The following TMCC1 variants were observed in gnomAD, a reference collection of about 807,000 sequenced individuals.
The protein encoded by TMCC1 is transmembrane and coiled-coil domains protein 1.
Under a neutral mutation model 52.4 loss-of-function variants are expected in TMCC1, and 15 were observed. The observed-to-expected ratio is 0.29, with a 90% confidence interval of 0.19 to 0.44. The LOEUF (loss-of-function observed/expected upper bound fraction) is 0.44. Among genes scored for constraint, TMCC1 ranks in the 20% least tolerant of loss-of-function variants. The pLI is 1.00. For missense variants in TMCC1, 503 were observed against 806.0 expected (o/e 0.62, Z 4.55); for synonymous variants, 279 against 301.9 (o/e 0.92, Z 0.79).
At chr3:129,680,544 G>A (rs1337225215) in intron 4 of TMCC1, among the ~76,000 whole-genome samples, 1 of 152,170 alleles carries the variant, frequency 6.6e-6, no homozygotes, top group Non-Finnish European at 1.5e-5. Context: ...TGCGTCGCTT[G>A]TCATAAGTCA....
intron 4 of TMCC1, among the ~76,000 whole-genome samples, chr3:129,811,309 G>C (rs2057794952): frequency 6.6e-6 from 1 of 152,016 alleles, no homozygotes; most frequent in Admixed American, 6.6e-5. Context: ...CTGTTGCCCA[G>C]ACTGGACTGC....
At chr3:129,719,283 G>A (rs2049371296) in intron 4 of TMCC1, among the ~76,000 whole-genome samples, 1 of 152,234 alleles carries the variant, frequency 6.6e-6, no homozygotes, top group Non-Finnish European at 1.5e-5. Context: ...GGGTTAGGGA[G>A]CTTCTGGATA....
chr3:129,676,212 T>TG (rs2088435087), intron 4 of TMCC1, among the ~76,000 whole-genome samples: 1 of 152,128 alleles, frequency 6.6e-6, no homozygotes, highest in Non-Finnish European at 1.5e-5. Context: ...TGTACTCTCC[T>TG]GTCAGAGTCC....
At chr3:129,743,014 T>C (rs2051596832) in intron 4 of TMCC1, among the ~76,000 whole-genome samples, 1 of 152,124 alleles carries the variant, frequency 6.6e-6, no homozygotes, top group African/African-American at 2.4e-5. Flanking sequence ...AGATTAGTAA[T>C]TGCCTAGTGC....
chr3:129,678,129 A>G (rs569440374), intron 4 of TMCC1, among the ~76,000 whole-genome samples: 32 of 152,188 alleles, frequency 2.1e-4, no homozygotes, highest in African/African-American at 7.5e-4. Flanking sequence ...CATGTTGGCC[A>G]GGCTGGTCTC....
intron 4 of TMCC1, among the ~76,000 whole-genome samples, chr3:129,699,767 A>G (rs1380331842): frequency 6.6e-6 from 1 of 152,046 alleles, no homozygotes; most frequent in African/African-American, 2.4e-5. Context: ...ATCAAAACTA[A>G]CAACAGCAAA....
At chr3:129,721,114 C>G (rs1175284407) in intron 4 of TMCC1, among the ~76,000 whole-genome samples, 1 of 152,118 alleles carries the variant, frequency 6.6e-6, no homozygotes, top group East Asian at 1.9e-4. Flanking sequence ...CTAATCATAC[C>G]AACTAACCTC....
chr3:129,670,711 C>T lies in TMCC1; in HGVS notation c.1130G>A (p.Arg377Gln), dbSNP rs12171319. 2.5e-6 allele frequency: 4 copies of T among 1,614,152 alleles called. No individual in the cohort carries two copies. Among genetic ancestry groups the T allele is most frequent in the Admixed American group, 1.7e-5 (1 of 60,004 alleles). Residue 377 changes from arginine (R) to glutamine (Q), a missense_variant, in exon 5 of 7, where the codon CGG (arginine) becomes CAG (glutamine). This residue lies in a region of TMCC1 where 73 missense variants were observed against 182.9 expected (regional missense o/e 0.40). Transcript: ENST00000393238. ...GTTGTCTGCACTGCCAAATTTGTTC[C>T]GAATGAGTGAGGCAATCTCTCTGGG... is the stretch of plus-strand genomic sequence containing the variant. ...SKPREIASLI[R>Q]NKFGSADNIP...
At chr3:129,729,509 T>C (rs1388974435) in intron 4 of TMCC1, among the ~76,000 whole-genome samples, 1 of 152,190 alleles carries the variant, frequency 6.6e-6, no homozygotes, top group Non-Finnish European at 1.5e-5. Context: ...TCCTTGACTT[T>C]TGTCTCAATA....
At chr3:129,679,549 C>A (rs1294123070) in intron 4 of TMCC1, among the ~76,000 whole-genome samples, 1 of 152,134 alleles carries the variant, frequency 6.6e-6, no homozygotes, top group South Asian at 2.1e-4. Context: ...CGTGATCCGC[C>A]CACCTTGGCC....
intron 4 of TMCC1, among the ~76,000 whole-genome samples, chr3:129,747,431 C>A (rs930310937): frequency 2.0e-5 from 3 of 152,052 alleles, no homozygotes; most frequent in African/African-American, 7.3e-5. Context: ...TCATTTTAAG[C>A]TATATTGTTT....
intron 2 of TMCC1, among the ~76,000 whole-genome samples, chr3:129,866,368 A>ATATATG (rs1363374571): frequency 4.6e-4 from 56 of 122,506 alleles, no homozygotes; most frequent in African/African-American, 1.8e-3. Flanking sequence ...TATATTTTAT[A>ATATATG]TATATATATG....
intron 2 of TMCC1, among the ~76,000 whole-genome samples, chr3:129,854,277 A>C (rs1039510687): frequency 2.0e-5 from 3 of 151,952 alleles, no homozygotes; most frequent in Non-Finnish European, 4.4e-5. Context: ...CTGTAATCCC[A>C]GCTACTTAGG....
chr3:129,839,762 G>A (rs1035376319), intron 2 of TMCC1, among the ~76,000 whole-genome samples: 3 of 152,026 alleles, frequency 2.0e-5, no homozygotes, highest in African/African-American at 7.2e-5. Context: ...GTGTGCACCT[G>A]TAGTACCAGC....
intron 4 of TMCC1, among the ~76,000 whole-genome samples, chr3:129,737,677 G>T (rs902691146): frequency 1.3e-5 from 2 of 151,998 alleles, no homozygotes; most frequent in Admixed American, 6.6e-5. Flanking sequence ...CCAGTCTAGC[G>T]CATTTTGTTA....
At chr3:129,883,140 C>T (rs913400606) in intron 1 of TMCC1, among the ~76,000 whole-genome samples, 39 of 151,354 alleles carry the variant, frequency 2.6e-4, no homozygotes, top group African/African-American at 9.0e-4. Flanking sequence ...AACACACACA[C>T]ACACACACAC....
intron 4 of TMCC1, among the ~76,000 whole-genome samples, chr3:129,821,409 C>A (rs1160898825): frequency 6.6e-6 from 1 of 152,136 alleles, no homozygotes; most frequent in East Asian, 1.9e-4. Context: ...AAGGATCTTA[C>A]ATACATTAGA....
At position 129,735,627 on chromosome 3, in the gene TMCC1, C is replaced by T. The variant is rs974358517; in HGVS notation, c.577-64363G>A. On this transcript the variant is annotated intron_variant, in intron 4 of 6. Coordinates refer to ENST00000393238, the MANE Select transcript of TMCC1 (RefSeq NM_001017395.5). ...TTGTGCCACTGCACTCCAGCCTGGG[C>T]GACAGAGCCAAGACTCTCTTAAAAA... 5.1e-5 allele frequency among the ~76,000 whole-genome samples: 7 copies of T among 135,958 alleles called. No individual in the cohort carries two copies. The South Asian group carries it at 7.0e-4, about 14-fold the overall frequency. The allele number at this position is 135,958 out of a possible 152,430, so 89.2% of individuals were successfully genotyped here.
intron 4 of TMCC1, among the ~76,000 whole-genome samples, chr3:129,679,889 T>C (rs1437858094): frequency 6.6e-6 from 1 of 151,922 alleles, no homozygotes; most frequent in Non-Finnish European, 1.5e-5. Context: ...GTGTGCTATG[T>C]TCCACTCTTT....
Sources: gnomAD v4.1 joint callset for allele counts (sites outside exome capture counted in the v4.1 genomes callset) on GRCh38, gnomAD v4.1.1 for gene constraint, gnomAD v4.1.1 regional missense constraint, MANE v1.5 for transcripts, NCBI Gene and HGNC (gene_info 2026-07-23, HGNC 2026-07-21) for gene names.